Variants in DLGAP1 observed in about 807,000 individuals in gnomAD.
The protein encoded by DLGAP1 is disks large-associated protein 1.
DLGAP1 carries 11 observed loss-of-function variants against 90.8 expected under a neutral mutation model. The ratio of observed to expected loss-of-function variants is 0.12; its 90% CI spans 0.08 to 0.20. The LOEUF (loss-of-function observed/expected upper bound fraction) is 0.20. Among genes scored for constraint, DLGAP1 ranks in the 10% least tolerant of loss-of-function variants. DLGAP1 has a pLI of 1.00. For synonymous variants in DLGAP1, 558 were observed against 540.7 expected (o/e 1.03, Z -0.44); for missense variants, 1,050 against 1,333.8 (o/e 0.79, Z 3.31).
intron 2 of DLGAP1, among the ~76,000 whole-genome samples, chr18:4,125,319 G>A (rs117983465): frequency 5.3e-5 from 8 of 151,532 alleles, no homozygotes; most frequent in Non-Finnish European, 8.8e-5. Flanking sequence ...AGTAGGAAGT[G>A]GGGGGGCTAC....
intron 10 of DLGAP1, among the ~76,000 whole-genome samples, chr18:3,518,923 G>A (rs1229362080): frequency 3.3e-5 from 5 of 152,084 alleles, no homozygotes; most frequent in African/African-American, 4.8e-5. Flanking sequence ...GTCCTTTTTT[G>A]CTGACTTTAA....
At chr18:4,102,772 C>G (rs970104570) in intron 2 of DLGAP1, among the ~76,000 whole-genome samples, 31 of 152,100 alleles carry the variant, frequency 2.0e-4, no homozygotes, top group Non-Finnish European at 3.8e-4. Context: ...GTATAAATAT[C>G]TACACATACT....
chr18:4,147,591 AT>A (rs1440257748), intron 2 of DLGAP1, among the ~76,000 whole-genome samples: 1 of 151,024 alleles, frequency 6.6e-6, no homozygotes, highest in Non-Finnish European at 1.5e-5. Context: ...CCATCCATCC[AT>A]CCATCCATCC....
rs575523327 is a variant in DLGAP1, at chr18:4,110,144, A to T, written c.-159+41036T>A. On this transcript the variant is annotated intron_variant, in intron 2 of 12. Transcript: ENST00000315677. ...GAATTTATTTACACAGACCTGGATGACCTAGCCTACTAAACACCTAGACTA... is the reference window on the plus strand; with the variant it reads ...GAATTTATTTACACAGACCTGGATGTCCTAGCCTACTAAACACCTAGACTA... Among the ~76,000 whole-genome samples the T allele has an allele frequency of 4.6e-5, 7 of 152,328 alleles. No individual in the cohort carries two copies. In the East Asian group the frequency reaches 1.4e-3, roughly 29 times the overall value.
At chr18:3,573,241 C>A (rs1316755062) in intron 8 of DLGAP1, among the ~76,000 whole-genome samples, 4 of 152,128 alleles carry the variant, frequency 2.6e-5, no homozygotes, top group African/African-American at 9.7e-5. Context: ...GTGGTTCACA[C>A]CTGTAATCCC....
intron 7 of DLGAP1, among the ~76,000 whole-genome samples, chr18:3,608,969 G>A (rs1002887666): frequency 1.3e-5 from 2 of 152,188 alleles, no homozygotes; most frequent in Admixed American, 6.6e-5. Context: ...CCAAGTAGCT[G>A]GGATTACAGG....
chr18:3,655,403 A>G (rs1444207392), intron 7 of DLGAP1: 1 of 152,228 alleles, frequency 6.6e-6, no homozygotes, highest in African/African-American at 2.4e-5. Context: ...AGTCATTTTA[A>G]TATTCTTGGG....
rs144214200 is a variant in DLGAP1, at chr18:3,659,844, A to G, written c.1591+69291T>C. On this transcript the variant is annotated intron_variant, in intron 7 of 12. Transcript: ENST00000315677. ...CTCCCAAAGTGCTGGGATTACACGCATGAGCCACCGCGCCCGGCCTATTTC... is the reference window on the plus strand; with the variant it reads ...CTCCCAAAGTGCTGGGATTACACGCGTGAGCCACCGCGCCCGGCCTATTTC... Among the ~76,000 whole-genome samples the G allele has an allele frequency of 9.7e-3, 1,474 of 152,196 alleles. 26 individuals are homozygous for G. Among genetic ancestry groups the G allele is most frequent in the African/African-American group, 0.033 (1,375 of 41,520 alleles).
At chr18:3,692,276 GTGTT>G (rs2060923570) in intron 7 of DLGAP1, among the ~76,000 whole-genome samples, 1 of 137,428 alleles carries the variant, frequency 7.3e-6, no homozygotes, top group African/African-American at 2.7e-5. Flanking sequence ...ATTTTTTGGA[GTGTT>G]TTTTTTGTTA....
intron 2 of DLGAP1, among the ~76,000 whole-genome samples, chr18:4,064,166 T>C (rs1168782485): frequency 6.6e-6 from 1 of 151,988 alleles, no homozygotes; most frequent in African/African-American, 2.4e-5. Flanking sequence ...TCTTTTTTTT[T>C]CCACTAATGA....
At chr18:3,914,167 CCTGT>C (rs1437231095) in intron 3 of DLGAP1, among the ~76,000 whole-genome samples, 1 of 152,094 alleles carries the variant, frequency 6.6e-6, no homozygotes, top group Non-Finnish European at 1.5e-5. Flanking sequence ...ACTTATTTAT[CCTGT>C]CTAACTGAAA....
chr18:3,970,558 T>G (rs189599446), intron 3 of DLGAP1, among the ~76,000 whole-genome samples: 20 of 152,182 alleles, frequency 1.3e-4, no homozygotes, highest in African/African-American at 4.6e-4. Flanking sequence ...GAGAGAGAAA[T>G]GTTGGCCTCA....
At chr18:3,614,889 T>C (rs928486481) in intron 7 of DLGAP1, among the ~76,000 whole-genome samples, 2 of 151,604 alleles carry the variant, frequency 1.3e-5, no homozygotes, top group Non-Finnish European at 2.9e-5. Flanking sequence ...AAACATAACT[T>C]GGAGAGGAGA....
chr18:3,720,896 A>AAAAAAAG (rs2061954459), intron 7 of DLGAP1, among the ~76,000 whole-genome samples: 1 of 125,796 alleles, frequency 7.9e-6, no homozygotes, highest in Non-Finnish European at 1.6e-5. Flanking sequence ...TACAAAAAAA[A>AAAAAAAG]AAAAAAAAAA....
rs1457863590 is a variant in DLGAP1 at position 4,212,790 on chromosome 18, G to A, written c.-266-61503C>T. Among the ~76,000 whole-genome samples, 7 of 151,832 alleles carry A rather than the reference G, an allele frequency of 4.6e-5. No homozygotes were observed. The East Asian group carries it at 9.7e-4, about 21-fold the overall frequency. On this transcript the variant is annotated intron_variant, in intron 1 of 12. Coordinates refer to ENST00000315677, the MANE Select transcript of DLGAP1 (RefSeq NM_004746.4). ...CACATAGATTATAAATTTTTACACA[G>A]TATAAAAATATCCCATCACATAAAT... is the stretch of plus-strand genomic sequence containing the variant.
intron 4 of DLGAP1, 143 bp downstream of exon 4, chr18:3,878,969 C>G: frequency 1.6e-6 from 1 of 640,370 alleles, no homozygotes. Flanking sequence ...AGGAGCAATT[C>G]GGCACAGAGA....
At chr18:3,966,646 C>T (rs2148995761) in intron 3 of DLGAP1, among the ~76,000 whole-genome samples, 1 of 152,244 alleles carries the variant, frequency 6.6e-6, no homozygotes, top group African/African-American at 2.4e-5. Context: ...TTGGCTTAAG[C>T]AACTGATATA....
intron 1 of DLGAP1, among the ~76,000 whole-genome samples, chr18:4,205,485 C>T (rs2144842950): frequency 6.6e-6 from 1 of 152,330 alleles, no homozygotes; most frequent in African/African-American, 2.4e-5. Context: ...TGGCCATTTA[C>T]ATTTCTTTCT....
chr18:4,412,939 G>C (rs1974391177), intron 1 of DLGAP1, among the ~76,000 whole-genome samples: 1 of 152,192 alleles, frequency 6.6e-6, no homozygotes, highest in Admixed American at 6.5e-5. Context: ...TGCCTTTTTA[G>C]GTGATGGCAG....
Sources: allele counts gnomAD v4.1 joint callset (sites outside exome capture counted in the v4.1 genomes callset), GRCh38; gene constraint gnomAD v4.1.1; transcripts MANE v1.5; gene names NCBI Gene and HGNC (gene_info 2026-07-23, HGNC 2026-07-21).